CDKAL1: variants seen among roughly 807,000 people sequenced by gnomAD.
The protein encoded by CDKAL1 is CDKAL1 threonylcarbamoyladenosine tRNA methylthiotransferase.
In CDKAL1, 32 loss-of-function variants were observed where a neutral mutation model predicts 68.2. The ratio of observed to expected loss-of-function variants is 0.47; its 90% confidence interval spans 0.35 to 0.63. The LOEUF (loss-of-function observed/expected upper bound fraction) is 0.63, where lower values mean the gene tolerates loss of function less well. Ranked by LOEUF, CDKAL1 falls within the 30% of genes least tolerant of loss-of-function variation. CDKAL1 has a pLI of 0.00. For missense variants in CDKAL1, 606 were observed against 696.7 expected, an observed-to-expected ratio of 0.87 and a Z score of 1.47; for synonymous variants, 234 against 244.3, an observed-to-expected ratio of 0.96 and a Z score of 0.39.
intron 13 of CDKAL1, among the ~76,000 whole-genome samples, chr6:21,173,125 C>T (rs1430665867): frequency 4.6e-5 from 7 of 151,624 alleles, no homozygotes; most frequent in Non-Finnish European, 1.0e-4. Context: ...CTCCCCACAA[C>T]ACCCTTCTTT....
chr6:20,911,145 G>A (rs531949660), intron 9 of CDKAL1, among the ~76,000 whole-genome samples: 37 of 152,330 alleles, frequency 2.4e-4, no homozygotes, highest in African/African-American at 7.5e-4. Context: ...TTTATATGGA[G>A]TATCTAATTT....
intron 10 of CDKAL1, among the ~76,000 whole-genome samples, chr6:20,977,384 A>C (rs1765891221): frequency 6.6e-6 from 1 of 152,230 alleles, no homozygotes; most frequent in Non-Finnish European, 1.5e-5. Flanking sequence ...ATTGTATATA[A>C]GGAGGACATT....
intron 4 of CDKAL1, among the ~76,000 whole-genome samples, chr6:20,644,694 A>G (rs1000388766): frequency 2.1e-5 from 3 of 141,876 alleles, no homozygotes; most frequent in Non-Finnish European, 4.7e-5. Flanking sequence ...CAAAAACACA[A>G]CAAAAAAAAG....
intron 12 of CDKAL1, among the ~76,000 whole-genome samples, chr6:21,088,520 T>C (rs1772823443): frequency 6.6e-6 from 1 of 152,236 alleles, no homozygotes; most frequent in South Asian, 2.1e-4. Flanking sequence ...AACAAAGTTA[T>C]GGAGCATAGC....
Position 20,656,287 on chromosome 6 carries a change from G to C in CDKAL1, c.371+6910G>C, listed in dbSNP as rs905041037. On this transcript the variant is annotated intron_variant, in intron 5 of 15. Coordinates refer to ENST00000274695, the MANE Select transcript of CDKAL1 (RefSeq NM_017774.3). Reference sequence around the variant, plus strand: ...AATTTAATATTGTTTGCATAGAGTTGATAGTTGAATGTGATGTCATCCTTA... The same window carrying C: ...AATTTAATATTGTTTGCATAGAGTTCATAGTTGAATGTGATGTCATCCTTA... Among the ~76,000 whole-genome samples, 2 of 152,188 alleles carry C rather than the reference G, an allele frequency of 1.3e-5. 1 individual carries two copies. Among genetic ancestry groups the C allele is most frequent in the Non-Finnish European group, 2.9e-5 (2 of 68,042 alleles).
chr6:20,957,821 A>G (rs1764850963), intron 10 of CDKAL1, among the ~76,000 whole-genome samples: 1 of 151,994 alleles, frequency 6.6e-6, no homozygotes, highest in African/African-American at 2.4e-5. Flanking sequence ...AAACACAGAA[A>G]TTAGCTGGGT....
intron 8 of CDKAL1, among the ~76,000 whole-genome samples, chr6:20,827,702 A>G (rs993057659): frequency 5.9e-5 from 9 of 152,152 alleles, no homozygotes; most frequent in Admixed American, 5.9e-4. Flanking sequence ...AACATTTGCA[A>G]AGTTCCAAAT....
intron 4 of CDKAL1, among the ~76,000 whole-genome samples, chr6:20,568,733 T>G (rs1764569977): frequency 2.2e-5 from 1 of 44,476 alleles, no homozygotes; most frequent in African/African-American, 9.8e-5. Flanking sequence ...AGACTCCGCC[T>G]CAAAAAAAAA....
At chr6:21,125,329 C>G (rs1353097341) in intron 13 of CDKAL1, among the ~76,000 whole-genome samples, 1 of 152,168 alleles carries the variant, frequency 6.6e-6, no homozygotes, top group Non-Finnish European at 1.5e-5. Context: ...CTGCCATGAT[C>G]ATAAGTTCCC....
chr6:20,936,924 A>C (rs1206849177), intron 9 of CDKAL1, among the ~76,000 whole-genome samples: 1 of 152,142 alleles, frequency 6.6e-6, no homozygotes, highest in African/African-American at 2.4e-5. Context: ...TCTGTTGGTT[A>C]CCAGAGGTTT....
chr6:21,221,128 C>T (rs1420829389), intron 15 of CDKAL1, among the ~76,000 whole-genome samples: 1 of 152,066 alleles, frequency 6.6e-6, no homozygotes, highest in African/African-American at 2.4e-5. Flanking sequence ...GATCACACCA[C>T]TGCACTCCAA....
chr6:21,132,521 C>CT (rs67741712), intron 13 of CDKAL1, among the ~76,000 whole-genome samples: 1 of 151,208 alleles, frequency 6.6e-6, no homozygotes, highest in Non-Finnish European at 1.5e-5. Context: ...GTAGTCATTC[C>CT]TTTTTTTTAT....
chr6:21,059,620 G>A (rs1289066835), intron 11 of CDKAL1, among the ~76,000 whole-genome samples: 3 of 151,980 alleles, frequency 2.0e-5, no homozygotes, highest in East Asian at 1.9e-4. Context: ...AGTGGGTTGC[G>A]CCAACCACCT....
At chr6:20,538,939 A>T (rs1406530377) in intron 2 of CDKAL1, among the ~76,000 whole-genome samples, 1 of 152,230 alleles carries the variant, frequency 6.6e-6, no homozygotes, top group Non-Finnish European at 1.5e-5. Context: ...AAAAGAGATG[A>T]TGCCTTTGTG....
chr6:21,197,297 C>T (rs1226732016), intron 13 of CDKAL1, among the ~76,000 whole-genome samples: 1 of 152,148 alleles, frequency 6.6e-6, no homozygotes, highest in Non-Finnish European at 1.5e-5. Flanking sequence ...TACTTCTTTG[C>T]TATTAAAAAT....
At chr6:20,763,610 T>C (rs182347010) in intron 7 of CDKAL1, among the ~76,000 whole-genome samples, 33 of 152,278 alleles carry the variant, frequency 2.2e-4, no homozygotes, top group Non-Finnish European at 3.1e-4. Flanking sequence ...TCTTCATATC[T>C]CATCTTTGAA....
At chr6:20,834,058 C>G (rs1037747771) in intron 8 of CDKAL1, among the ~76,000 whole-genome samples, 1 of 152,178 alleles carries the variant, frequency 6.6e-6, no homozygotes, top group Non-Finnish European at 1.5e-5. Context: ...TTGACATAGA[C>G]ATTCAGCAGG....
chr6:21,007,995 A>G (rs557158653), intron 11 of CDKAL1, among the ~76,000 whole-genome samples: 1 of 152,372 alleles, frequency 6.6e-6, no homozygotes, highest in South Asian at 2.1e-4. Context: ...AGAGAAGATG[A>G]GGAAGGCATG....
intron 5 of CDKAL1, among the ~76,000 whole-genome samples, chr6:20,726,115 G>C (rs1772643130): frequency 6.6e-6 from 1 of 151,982 alleles, no homozygotes; most frequent in Non-Finnish European, 1.5e-5. Flanking sequence ...TAAAGGTTTG[G>C]ATAGGAGACA....
Sources: gnomAD v4.1 joint callset for allele counts (sites outside exome capture counted in the v4.1 genomes callset) on GRCh38, gnomAD v4.1.1 for gene constraint, MANE v1.5 for transcripts, NCBI Gene and HGNC (gene_info 2026-07-23, HGNC 2026-07-21) for gene names.